Variants in RASGRF2 observed in about 807,000 individuals in gnomAD.
RASGRF2 encodes ras-specific guanine nucleotide-releasing factor 2.
A neutral mutation model predicts 151.0 loss-of-function variants in RASGRF2; 76 were observed. The ratio of observed to expected loss-of-function variants is 0.50; its 90% confidence interval spans 0.42 to 0.61. The LOEUF is 0.61. RASGRF2 is among the 20% of genes least tolerant of loss of function. RASGRF2 has a pLI of 0.00. For missense variants in RASGRF2, 1,148 were observed against 1,564.6 expected, an observed-to-expected ratio of 0.73 and a Z score of 4.49; for synonymous variants, 504 against 566.5, an observed-to-expected ratio of 0.89 and a Z score of 1.57.
chr5:81,138,886 T>C (rs889825130), intron 17 of RASGRF2, among the ~76,000 whole-genome samples: 4 of 152,164 alleles, frequency 2.6e-5, no homozygotes, highest in South Asian at 2.1e-4. Context: ...TGGATGGATA[T>C]GGTAACTTCT....
At position 81,078,568 on chromosome 5, in the gene RASGRF2, AAAG is replaced by A. The variant is rs1287080035; in HGVS notation, c.888-1549_888-1547del. Among the ~76,000 whole-genome samples the A allele has an allele frequency of 3.9e-5, 6 of 152,332 alleles. No homozygotes were observed. In the East Asian group the frequency reaches 7.7e-4, roughly 20 times the overall value. On this transcript the variant is annotated intron_variant, in intron 5 of 26. Coordinates refer to ENST00000265080, the MANE Select transcript of RASGRF2 (RefSeq NM_006909.3). ...AGGTGTGTTTTTAAAGGTGAGGCTTAAAGAAGTTTTATATCATTACTGTTGTTT... is the reference window on the plus strand; with the variant it reads ...AGGTGTGTTTTTAAAGGTGAGGCTTAAAGTTTTATATCATTACTGTTGTTT...
At chr5:80,973,475 C>A (rs1748007297) in intron 1 of RASGRF2, among the ~76,000 whole-genome samples, 1 of 152,204 alleles carries the variant, frequency 6.6e-6, no homozygotes, top group Non-Finnish European at 1.5e-5. Flanking sequence ...ATTCCTTAGT[C>A]ACACCTAGAT....
In RASGRF2 at chr5:81,217,803, C is replaced by T. The variant is rs548006896; in HGVS notation, c.3552+330C>T. Among the ~76,000 whole-genome samples, 10 of 149,976 alleles carry T rather than the reference C, an allele frequency of 6.7e-5. No individual in the cohort carries two copies. In the East Asian group the frequency reaches 7.9e-4, roughly 12 times the overall value. ...TGTGGCCCAGGCTGGAGTGCAGTGG[C>T]GCAATCTCGGCTCACTGCAAGCTCC... On this transcript the variant is annotated intron_variant, in intron 25 of 26. Transcript: ENST00000265080.
At chr5:81,184,337 C>T (rs537659556) in intron 18 of RASGRF2, among the ~76,000 whole-genome samples, 112 of 152,328 alleles carry the variant, frequency 7.4e-4, no homozygotes, top group Middle Eastern at 3.4e-3. Flanking sequence ...ACCACATGTT[C>T]CCGTGATTGC....
At chr5:81,075,612 G>A (rs1007388962) in intron 5 of RASGRF2, among the ~76,000 whole-genome samples, 3 of 152,176 alleles carry the variant, frequency 2.0e-5, no homozygotes, top group Non-Finnish European at 4.4e-5. Flanking sequence ...AGATTGCAAC[G>A]TTTTTTGGTC....
At chr5:80,966,912 A>C (rs1747740764) in intron 1 of RASGRF2, among the ~76,000 whole-genome samples, 1 of 152,216 alleles carries the variant, frequency 6.6e-6, no homozygotes, top group South Asian at 2.1e-4. Flanking sequence ...TTATTTAACT[A>C]ATATACTACA....
At chr5:81,207,399 A>G in intron 21 of RASGRF2, 50 bp downstream of exon 21, 1 of 1,479,836 alleles carries the variant, frequency 6.8e-7, no homozygotes, top group African/African-American at 1.4e-5. Context: ...TAGCTGTCTT[A>G]GAAGTTGACA....
At chr5:81,137,652 T>G (rs1023047276) in intron 17 of RASGRF2, among the ~76,000 whole-genome samples, 8 of 152,132 alleles carry the variant, frequency 5.3e-5, no homozygotes, top group African/African-American at 1.9e-4. Context: ...GACATACACA[T>G]AGACTAAGGC....
intron 1 of RASGRF2, among the ~76,000 whole-genome samples, chr5:81,007,228 C>T (rs148645486): frequency 0.015 from 2,289 of 152,264 alleles, 58 homozygotes; most frequent in African/African-American, 0.053. Flanking sequence ...GGAGTTTTCC[C>T]TTGGCCTCTA....
intron 19 of RASGRF2, among the ~76,000 whole-genome samples, chr5:81,205,504 T>C (rs1268127239): frequency 3.3e-5 from 5 of 152,246 alleles, no homozygotes; most frequent in African/African-American, 1.2e-4. Flanking sequence ...GTTTAGCACA[T>C]GCCTGGCATA....
intron 17 of RASGRF2, among the ~76,000 whole-genome samples, chr5:81,144,531 T>G (rs929761461): frequency 2.0e-5 from 3 of 152,204 alleles, no homozygotes; most frequent in Admixed American, 6.5e-5. Context: ...ATAGCAGTTA[T>G]GGGTCATTTT....
At chr5:81,024,385 G>T (rs1313797426) in intron 1 of RASGRF2, among the ~76,000 whole-genome samples, 9 of 147,998 alleles carry the variant, frequency 6.1e-5, no homozygotes, top group African/African-American at 2.2e-4. Context: ...TCAGCCTCCC[G>T]AGTAGCTGGG....
intron 17 of RASGRF2, among the ~76,000 whole-genome samples, chr5:81,154,539 A>G (rs1754215956): frequency 6.6e-6 from 1 of 152,194 alleles, no homozygotes; most frequent in South Asian, 2.1e-4. Context: ...CAGAATATAC[A>G]TTATTTAAGG....
intron 18 of RASGRF2, among the ~76,000 whole-genome samples, chr5:81,195,659 C>T (rs1230051530): frequency 6.6e-6 from 1 of 151,538 alleles, no homozygotes; most frequent in African/African-American, 2.4e-5. Context: ...GCATCAGCAT[C>T]ACCCGGGAGC....
chr5:81,086,318 G>T (rs916571770), intron 8 of RASGRF2, among the ~76,000 whole-genome samples: 1 of 152,068 alleles, frequency 6.6e-6, no homozygotes, highest in Non-Finnish European at 1.5e-5. Flanking sequence ...TTTGAGACCA[G>T]CCTGGGCAAC....
chr5:80,990,620 C>T (rs1318923012), intron 1 of RASGRF2, among the ~76,000 whole-genome samples: 2 of 152,188 alleles, frequency 1.3e-5, no homozygotes, highest in Non-Finnish European at 2.9e-5. Context: ...TTTGCTGCCT[C>T]ACCCCAGTGC....
At chr5:81,156,905 C>A in intron 17 of RASGRF2, among the ~76,000 whole-genome samples, 1 of 152,084 alleles carries the variant, frequency 6.6e-6, no homozygotes, top group African/African-American at 2.4e-5. Context: ...TGACATGAAG[C>A]AGTTTGTAGA....
At chr5:81,077,634 G>C (rs79236628) in intron 5 of RASGRF2, among the ~76,000 whole-genome samples, 1 of 152,346 alleles carries the variant, frequency 6.6e-6, no homozygotes, top group Admixed American at 6.5e-5. Context: ...GAGCCTGGGG[G>C]TAGCCCTTGA....
At chr5:80,971,154 G>A (rs6869828) in intron 1 of RASGRF2, among the ~76,000 whole-genome samples, 2,898 of 152,228 alleles carry the variant, frequency 0.019, 96 homozygotes, top group African/African-American at 0.067. Flanking sequence ...TTCACAAAGT[G>A]AATATTTTTG....
Sources: allele counts gnomAD v4.1 joint callset (sites outside exome capture counted in the v4.1 genomes callset), GRCh38; gene constraint gnomAD v4.1.1; transcripts MANE v1.5; gene names NCBI Gene and HGNC (gene_info 2026-07-23, HGNC 2026-07-21).